Variants in DOCK9 observed in about 807,000 individuals in gnomAD.
The protein encoded by DOCK9 is dedicator of cytokinesis 9.
A neutral mutation model predicts 263.3 loss-of-function variants in DOCK9; 89 were observed. That is an observed-to-expected ratio of 0.34 (90% CI 0.28 to 0.40). The LOEUF (loss-of-function observed/expected upper bound fraction) is 0.40, where lower values mean the gene tolerates loss of function less well. Among genes scored for constraint, DOCK9 ranks in the 10% least tolerant of loss-of-function variants. The probability of loss-of-function intolerance (pLI) is 1.00; values close to 1 mark genes in which losing one functional copy is unlikely to be tolerated. For synonymous variants in DOCK9, 976 were observed against 973.1 expected (o/e 1.00, Z -0.06); for missense variants, 2,140 against 2,603.4 (o/e 0.82, Z 3.87).
chr13:99,073,843 T>C (rs1234956972), intron 1 of DOCK9, among the ~76,000 whole-genome samples: 2 of 152,250 alleles, frequency 1.3e-5, no homozygotes, highest in Non-Finnish European at 2.9e-5. Flanking sequence ...TGGGAGCTTG[T>C]ATGCTGCCTC....
At chr13:98,814,711 G>T (rs558626632) in intron 45 of DOCK9, among the ~76,000 whole-genome samples, 1 of 152,152 alleles carries the variant, frequency 6.6e-6, no homozygotes, top group South Asian at 2.1e-4. Context: ...AGGCATGGTG[G>T]GTGGATTGCT....
chr13:98,945,865 G>GA (rs1241152288), intron 2 of DOCK9, among the ~76,000 whole-genome samples: 1 of 152,126 alleles, frequency 6.6e-6, no homozygotes, highest in East Asian at 1.9e-4. Flanking sequence ...GACAGGGAGA[G>GA]AAAAAAAGAA....
At position 98,901,823 on chromosome 13, in the gene DOCK9, G is replaced by A; in HGVS notation, c.1458C>T (p.Ile486=). The part of the protein sequence containing the change: ...ARIEKVLQGS[I]THCAEPYMKS... ...TCATATATGGCTCAGCGCAATGTGT[G>A]ATGCTCCCCTGAAGGACTTTTTCAA... The change falls in exon 13 of 53, where the codon ATC becomes ATT. Residue 486 remains isoleucine (I), a synonymous_variant. Coordinates refer to ENST00000682017, the MANE Select transcript of DOCK9 (RefSeq NM_001366683.2). 1 of 1,612,742 alleles carries A rather than the reference G, an allele frequency of 6.2e-7. No homozygotes were observed. Among genetic ancestry groups the A allele is most frequent in the South Asian group, 1.1e-5 (1 of 90,668 alleles).
At chr13:98,934,474 A>G (rs2054496618) in intron 2 of DOCK9, among the ~76,000 whole-genome samples, 1 of 152,220 alleles carries the variant, frequency 6.6e-6, no homozygotes, top group Non-Finnish European at 1.5e-5. Context: ...CCTTGACCAG[A>G]TTTTAGAATT....
chr13:99,000,029 T>C (rs9584974), intron 1 of DOCK9, among the ~76,000 whole-genome samples: 2,376 of 152,272 alleles, frequency 0.016, 55 homozygotes, highest in African/African-American at 0.054. Flanking sequence ...ATATACACTT[T>C]TGGGGAGTAG....
intron 49 of DOCK9, among the ~76,000 whole-genome samples, chr13:98,801,089 G>A (rs1486883764): frequency 2.0e-5 from 3 of 151,992 alleles, no homozygotes; most frequent in Non-Finnish European, 2.9e-5. Context: ...GACCAGCCTG[G>A]GCAACATGGC....
chr13:98,939,138 T>A (rs1417757222), intron 2 of DOCK9, among the ~76,000 whole-genome samples: 1 of 152,194 alleles, frequency 6.6e-6, no homozygotes, highest in Non-Finnish European at 1.5e-5. Context: ...ACCACAGCGC[T>A]CCAACTGAGA....
upstream of DOCK9, among the ~76,000 whole-genome samples, chr13:98,980,827 AT>A (rs1877013055): frequency 6.6e-6 from 1 of 152,104 alleles, no homozygotes; most frequent in Non-Finnish European, 1.5e-5. Context: ...TCAAATATTC[AT>A]TTTGAACCCC....
chr13:98,957,851 C>A (rs1484665620), intron 1 of DOCK9, among the ~76,000 whole-genome samples: 1 of 152,196 alleles, frequency 6.6e-6, no homozygotes, highest in Non-Finnish European at 1.5e-5. Flanking sequence ...GGGCAGACTC[C>A]ATGTTCTCCC....
chr13:99,019,812 G>T (rs1399788760), intron 1 of DOCK9, among the ~76,000 whole-genome samples: 11 of 152,236 alleles, frequency 7.2e-5, no homozygotes, highest in African/African-American at 2.6e-4. Flanking sequence ...AAGAATCGGG[G>T]TGGGGAGGCC....
chr13:98,891,907 C>A (rs1338823264), intron 15 of DOCK9, among the ~76,000 whole-genome samples: 5 of 151,626 alleles, frequency 3.3e-5, no homozygotes, highest in Non-Finnish European at 5.9e-5. Flanking sequence ...GTTTATTAGA[C>A]ATCAAACACT....
intron 2 of DOCK9, among the ~76,000 whole-genome samples, chr13:98,933,531 C>A (rs1178753640): frequency 6.6e-6 from 1 of 152,210 alleles, no homozygotes; most frequent in Non-Finnish European, 1.5e-5. Context: ...CATTACTCAT[C>A]AATTCCTAAC....
At chr13:98,852,815 T>C (rs567363878) in intron 35 of DOCK9, among the ~76,000 whole-genome samples, 8 of 152,340 alleles carry the variant, frequency 5.3e-5, no homozygotes, top group African/African-American at 1.7e-4. Flanking sequence ...ACGGTCCAGA[T>C]AGAGCATTCA....
intron 19 of DOCK9, 103 bp from the exon 20 acceptor site, chr13:98,885,934 T>G (rs1180906725): frequency 1.8e-6 from 2 of 1,117,142 alleles, no homozygotes; most frequent in East Asian, 5.3e-5. Flanking sequence ...CGTGCACTTG[T>G]TCTCCGAGCG....
chr13:98,880,426 C>G (rs1455541962), intron 26 of DOCK9, 121 bp downstream of exon 26: 1 of 1,301,846 alleles, frequency 7.7e-7, no homozygotes, highest in East Asian at 2.5e-5. Flanking sequence ...GAGAACACTA[C>G]CCCTTTTTAG....
At chr13:98,875,539 A>G (rs1379374626) in intron 27 of DOCK9, among the ~76,000 whole-genome samples, 1 of 152,238 alleles carries the variant, frequency 6.6e-6, no homozygotes, top group African/African-American at 2.4e-5. Flanking sequence ...GTGGAATGCC[A>G]GCAATGTGCT....
At chr13:98,821,054 T>C (rs531310908) in intron 45 of DOCK9, among the ~76,000 whole-genome samples, 17 of 152,316 alleles carry the variant, frequency 1.1e-4, no homozygotes, top group Admixed American at 8.5e-4. Context: ...CCAAGGAGTA[T>C]TGATTTGGAG....
At chr13:98,812,799 A>C (rs1168769527) in intron 45 of DOCK9, among the ~76,000 whole-genome samples, 1 of 152,060 alleles carries the variant, frequency 6.6e-6, no homozygotes, top group Non-Finnish European at 1.5e-5. Context: ...GTGTACTATG[A>C]AAGTTTTATT....
chr13:98,917,495 T>G (rs1047089491), intron 7 of DOCK9, among the ~76,000 whole-genome samples: 1 of 152,214 alleles, frequency 6.6e-6, no homozygotes, highest in Admixed American at 6.5e-5. Context: ...AGATTGTTCA[T>G]AGTGGTGGCC....
Sources: gnomAD v4.1 joint callset for allele counts (sites outside exome capture counted in the v4.1 genomes callset) on GRCh38, gnomAD v4.1.1 for gene constraint, MANE v1.5 for transcripts, NCBI Gene and HGNC (gene_info 2026-07-23, HGNC 2026-07-21) for gene names.